SPECC1: variants seen among roughly 807,000 people sequenced by gnomAD.
SPECC1 encodes the protein cytospin-B.
SPECC1 carries 62 observed loss-of-function variants against 104.1 expected under a neutral mutation model. The ratio of observed to expected loss-of-function variants is 0.60; its 90% CI spans 0.49 to 0.74. The LOEUF is 0.74. Among genes scored for constraint, SPECC1 ranks in the 30% least tolerant of loss-of-function variants. The pLI, the probability that SPECC1 is intolerant of heterozygous loss-of-function variation, is 0.00. For missense variants in SPECC1, 1,306 were observed against 1,310.5 expected (o/e 1.00, Z 0.05); for synonymous variants, 513 against 501.6 (o/e 1.02, Z -0.30).
At chr17:20,026,005 A>G (rs1053007053) in intron 1 of SPECC1, among the ~76,000 whole-genome samples, 6 of 151,922 alleles carry the variant, frequency 3.9e-5, no homozygotes, top group African/African-American at 1.2e-4. Flanking sequence ...GGCCAATTGT[A>G]TATAGTCTTT....
chr17:20,043,571 G>A (rs1030231402), intron 1 of SPECC1, among the ~76,000 whole-genome samples: 2 of 151,878 alleles, frequency 1.3e-5, no homozygotes, highest in Non-Finnish European at 2.9e-5. Flanking sequence ...TGTTCCACGC[G>A]GGGCAAAGTG....
At chr17:20,252,278 A>T (rs957099589) in intron 9 of SPECC1, among the ~76,000 whole-genome samples, 3 of 152,018 alleles carry the variant, frequency 2.0e-5, no homozygotes, top group Non-Finnish European at 4.4e-5. Flanking sequence ...TTAAATTTTT[A>T]ATTTTATTTC....
chr17:20,170,288 A>G (rs190124979), intron 3 of SPECC1, among the ~76,000 whole-genome samples: 3 of 152,188 alleles, frequency 2.0e-5, no homozygotes, highest in Non-Finnish European at 4.4e-5. Flanking sequence ...CCTTAGCAAA[A>G]TGTATGGTTT....
intron 4 of SPECC1, among the ~76,000 whole-genome samples, chr17:20,212,093 C>T (rs1234524958): frequency 2.0e-5 from 3 of 152,218 alleles, no homozygotes; most frequent in South Asian, 2.1e-4. Context: ...TTACCCTCAT[C>T]TTTGAGTTTT....
chr17:20,143,175 G>GAA (rs35425849), intron 3 of SPECC1, among the ~76,000 whole-genome samples: 4,222 of 140,058 alleles, frequency 0.03, 210 homozygotes, highest in African/African-American at 0.1. Context: ...TTCTTTATAG[G>GAA]AAAAAAAAAA....
At chr17:20,157,781 C>T (rs1249110946) in intron 3 of SPECC1, among the ~76,000 whole-genome samples, 3 of 152,142 alleles carry the variant, frequency 2.0e-5, no homozygotes, top group Admixed American at 6.5e-5. Context: ...TCAAAGAATG[C>T]ATATCATTTC....
intron 4 of SPECC1, among the ~76,000 whole-genome samples, chr17:20,213,278 C>T (rs893996922): frequency 2.0e-5 from 3 of 151,914 alleles, no homozygotes; most frequent in African/African-American, 7.3e-5. Flanking sequence ...TTTTTATTTT[C>T]ATAGAGACAG....
At chr17:20,212,443 A>G (rs1460109186) in intron 4 of SPECC1, among the ~76,000 whole-genome samples, 1 of 152,220 alleles carries the variant, frequency 6.6e-6, no homozygotes. Flanking sequence ...CCTCACAATC[A>G]TGGTGGAAGG....
At chr17:20,171,964 C>G (rs1428664941) in intron 3 of SPECC1, among the ~76,000 whole-genome samples, 1 of 152,182 alleles carries the variant, frequency 6.6e-6, no homozygotes, top group Non-Finnish European at 1.5e-5. Flanking sequence ...GTATACAGAC[C>G]AGAAGTGCTT....
intron 1 of SPECC1, among the ~76,000 whole-genome samples, chr17:20,042,888 C>G (rs1262351513): frequency 6.6e-6 from 1 of 152,150 alleles, no homozygotes; most frequent in Non-Finnish European, 1.5e-5. Flanking sequence ...TCTTCCCCTT[C>G]CAGAACCTTC....
chr17:20,316,254 G>C lies in SPECC1; in HGVS notation c.*2189G>C, dbSNP rs777136362. Reference sequence around the variant, plus strand: ...TCCCAAGTAGTTGAGTTGAGCTGTTGGTTGTTAGATTTAAGCTGGAATTAG... The same window carrying C: ...TCCCAAGTAGTTGAGTTGAGCTGTTCGTTGTTAGATTTAAGCTGGAATTAG... On this transcript the variant is annotated 3_prime_UTR_variant, in exon 15 of 15. Transcript: ENST00000395527. 7.8e-5 allele frequency: 18 copies of C among 231,890 alleles called. No individual in the cohort carries two copies. The highest frequency in any genetic ancestry group is 1.1e-4 in the Non-Finnish European group (13 of 117,312). The allele number at this position is 231,890 out of a possible 1,614,324, so 14.4% of individuals were successfully genotyped here. A position where few individuals can be genotyped will look rare whatever the true frequency, so the allele number is the denominator to read the frequency against.
At chr17:20,236,566 T>C (rs2038924227) in intron 7 of SPECC1, among the ~76,000 whole-genome samples, 1 of 151,934 alleles carries the variant, frequency 6.6e-6, no homozygotes, top group African/African-American at 2.4e-5. Context: ...GGGCCTATGG[T>C]GTTCATCCTG....
At chr17:20,304,830 AGGC>A (rs980121638) in intron 13 of SPECC1, among the ~76,000 whole-genome samples, 4 of 152,162 alleles carry the variant, frequency 2.6e-5, no homozygotes, top group Middle Eastern at 3.4e-3. Flanking sequence ...TCCAACTATG[AGGC>A]AGGCCCTCTG....
intron 1 of SPECC1, among the ~76,000 whole-genome samples, chr17:20,086,492 A>G (rs906135516): frequency 1.3e-5 from 2 of 152,132 alleles, no homozygotes; most frequent in East Asian, 3.9e-4. Context: ...GAATTAAGCC[A>G]CTAGGGGACT....
At chr17:20,038,854 C>T (rs182596925) in intron 1 of SPECC1, among the ~76,000 whole-genome samples, 4 of 152,264 alleles carry the variant, frequency 2.6e-5, no homozygotes, top group East Asian at 3.9e-4. Flanking sequence ...TCTCGTTATC[C>T]TCCAGTTACC....
intron 2 of SPECC1, among the ~76,000 whole-genome samples, chr17:20,107,318 A>G (rs1326952468): frequency 6.6e-6 from 1 of 151,868 alleles, no homozygotes; most frequent in East Asian, 2.0e-4. Context: ...ATATGAAGAC[A>G]TCCACCATCA....
chr17:20,026,472 C>T (rs1415503895), intron 1 of SPECC1, among the ~76,000 whole-genome samples: 2 of 152,144 alleles, frequency 1.3e-5, no homozygotes, highest in Admixed American at 6.5e-5. Flanking sequence ...TCCCAAGCCT[C>T]CCCTTCTAAT....
intron 1 of SPECC1, among the ~76,000 whole-genome samples, chr17:20,064,872 G>C (rs915263400): frequency 8.6e-5 from 13 of 152,034 alleles, no homozygotes; most frequent in African/African-American, 3.1e-4. Flanking sequence ...ACTTCTCCCT[G>C]TGTACTTTCT....
intron 1 of SPECC1, among the ~76,000 whole-genome samples, chr17:20,060,358 G>A (rs955907998): frequency 6.6e-6 from 1 of 152,142 alleles, no homozygotes; most frequent in African/African-American, 2.4e-5. Context: ...AAATGCTAAA[G>A]CGTCTGGGCT....
Sources: allele counts gnomAD v4.1 joint callset (sites outside exome capture counted in the v4.1 genomes callset), GRCh38; gene constraint gnomAD v4.1.1; transcripts MANE v1.5; gene names NCBI Gene and HGNC (gene_info 2026-07-23, HGNC 2026-07-21).